PLCL1: variants seen among roughly 807,000 people sequenced by gnomAD.
PLCL1 encodes phospholipase C like 1 (inactive).
PLCL1 carries 41 observed loss-of-function variants against 84.4 expected under a neutral mutation model. The observed-to-expected ratio is 0.49, with a 90% CI of 0.38 to 0.63. The LOEUF (loss-of-function observed/expected upper bound fraction) is 0.63, where lower values mean the gene tolerates loss of function less well. PLCL1 is among the 30% of genes least tolerant of loss of function. The pLI, the probability that PLCL1 is intolerant of heterozygous loss-of-function variation, is 0.00. For missense variants in PLCL1, 1,206 were observed against 1,367.8 expected, an observed-to-expected ratio of 0.88 and a Z score of 1.87; for synonymous variants, 490 against 488.3, an observed-to-expected ratio of 1.00 and a Z score of -0.05.
intron 1 of PLCL1, among the ~76,000 whole-genome samples, chr2:197,839,212 C>T (rs960021471): frequency 1.3e-5 from 2 of 152,208 alleles, no homozygotes; most frequent in Non-Finnish European, 2.9e-5. Flanking sequence ...CAAATCTGAA[C>T]AGGGTACCTT....
chr2:198,055,711 A>T (rs1372862535), intron 1 of PLCL1, among the ~76,000 whole-genome samples: 1 of 152,106 alleles, frequency 6.6e-6, no homozygotes, highest in Non-Finnish European at 1.5e-5. Context: ...GATCTCAGGG[A>T]GCAAACAGAT....
intron 1 of PLCL1, among the ~76,000 whole-genome samples, chr2:197,846,550 T>C (rs1441624840): frequency 6.6e-6 from 1 of 152,116 alleles, no homozygotes; most frequent in Non-Finnish European, 1.5e-5. Context: ...AACACATTTA[T>C]TGAGGACCTA....
chr2:197,818,055 C>T (rs977765222), intron 1 of PLCL1, among the ~76,000 whole-genome samples: 22 of 152,078 alleles, frequency 1.4e-4, no homozygotes, highest in African/African-American at 3.6e-4. Context: ...TGATGATTGG[C>T]GTTAAAAGTA....
chr2:198,094,597 T>C (rs780695086), intron 3 of PLCL1, among the ~76,000 whole-genome samples: 4 of 152,194 alleles, frequency 2.6e-5, no homozygotes, highest in Non-Finnish European at 5.9e-5. Flanking sequence ...TCCCTAGGGT[T>C]AAGACTTTTT....
chr2:197,818,510 G>A (rs1690738497), intron 1 of PLCL1, among the ~76,000 whole-genome samples: 1 of 152,068 alleles, frequency 6.6e-6, no homozygotes, highest in Admixed American at 6.6e-5. Context: ...TTCTGAGGTT[G>A]AGAAAGGACT....
intron 1 of PLCL1, among the ~76,000 whole-genome samples, chr2:197,808,593 C>G (rs1690527014): frequency 6.6e-6 from 1 of 151,832 alleles, no homozygotes; most frequent in Non-Finnish European, 1.5e-5. Flanking sequence ...ACAGTTTTGC[C>G]AAGAGTTTTT....
At chr2:198,124,223 A>C (rs2105930326) in intron 5 of PLCL1, among the ~76,000 whole-genome samples, 1 of 152,252 alleles carries the variant, frequency 6.6e-6, no homozygotes, top group African/African-American at 2.4e-5. Flanking sequence ...CTCCTTAACC[A>C]GCGTGATTAG....
intron 1 of PLCL1, among the ~76,000 whole-genome samples, chr2:197,987,450 C>T (rs1690240961): frequency 1.3e-5 from 2 of 152,200 alleles, no homozygotes; most frequent in Non-Finnish European, 2.9e-5. Context: ...CTACAAGTCA[C>T]TATAATGCCC....
At chr2:197,830,718 C>A (rs759347604) in intron 1 of PLCL1, among the ~76,000 whole-genome samples, 110 of 152,152 alleles carry the variant, frequency 7.2e-4, no homozygotes, top group Non-Finnish European at 1.5e-3. Context: ...GACACATAAT[C>A]ATCAGATTCA....
chr2:198,007,389 A>G (rs1439687203), intron 1 of PLCL1, among the ~76,000 whole-genome samples: 3 of 152,080 alleles, frequency 2.0e-5, no homozygotes, highest in Middle Eastern at 3.4e-3. Context: ...GTTTAGTTAT[A>G]TTTTATGGTT....
intron 5 of PLCL1, among the ~76,000 whole-genome samples, chr2:198,136,310 G>A (rs1694255066): frequency 6.6e-6 from 1 of 152,060 alleles, no homozygotes; most frequent in African/African-American, 2.4e-5. Flanking sequence ...AAATCTATGA[G>A]GTGAGTACAA....
At chr2:197,879,639 G>T (rs1687793226) in intron 1 of PLCL1, among the ~76,000 whole-genome samples, 1 of 152,090 alleles carries the variant, frequency 6.6e-6, no homozygotes, top group African/African-American at 2.4e-5. Flanking sequence ...AATTTGTGAG[G>T]CTGTAAATTT....
intron 1 of PLCL1, among the ~76,000 whole-genome samples, chr2:197,826,827 T>C (rs192654998): frequency 7.9e-5 from 12 of 152,302 alleles, no homozygotes; most frequent in Admixed American, 1.3e-4. Flanking sequence ...TGAGTGAATA[T>C]ACCTAGGCCT....
intron 1 of PLCL1, among the ~76,000 whole-genome samples, chr2:197,915,476 T>G (rs1042046866): frequency 1.5e-4 from 21 of 139,700 alleles, no homozygotes; most frequent in South Asian, 2.3e-4. Context: ...AAAAGGAGGG[T>G]TTTTTTTTTT....
intron 1 of PLCL1, among the ~76,000 whole-genome samples, chr2:198,040,481 A>T (rs1468330727): frequency 6.6e-6 from 1 of 152,042 alleles, no homozygotes; most frequent in East Asian, 1.9e-4. Context: ...GAGATAGGGG[A>T]GGAGAGGCAG....
At chr2:197,931,213 G>GC (rs1164536188) in intron 1 of PLCL1, among the ~76,000 whole-genome samples, 1 of 152,176 alleles carries the variant, frequency 6.6e-6, no homozygotes, top group African/African-American at 2.4e-5. Flanking sequence ...TAGCAAGAAA[G>GC]CCTGGGCTCC....
intron 4 of PLCL1, 128 bp from the exon 5 acceptor site, chr2:198,103,699 A>G (rs77847826): frequency 0.013 from 7,109 of 553,906 alleles, 348 homozygotes; most frequent in African/African-American, 0.11. Context: ...GGATAATTCA[A>G]TTTAGGGATT....
intron 1 of PLCL1, among the ~76,000 whole-genome samples, chr2:197,902,952 T>C (rs546451029): frequency 2.0e-5 from 3 of 152,354 alleles, no homozygotes; most frequent in African/African-American, 7.2e-5. Context: ...ACAAAATATA[T>C]GTTTAAAATC....
chr2:198,066,157 CTCT>C (rs1324514863), intron 1 of PLCL1, among the ~76,000 whole-genome samples: 1 of 152,104 alleles, frequency 6.6e-6, no homozygotes, highest in Non-Finnish European at 1.5e-5. Flanking sequence ...CTGCTAAGTA[CTCT>C]TCTCTTTTTA....
Sources: allele counts gnomAD v4.1 joint callset (sites outside exome capture counted in the v4.1 genomes callset), GRCh38; gene constraint gnomAD v4.1.1; transcripts MANE v1.5; gene names NCBI Gene and HGNC (gene_info 2026-07-23, HGNC 2026-07-21).